Variants in TNRC6C observed in about 807,000 individuals in gnomAD.
The protein encoded by TNRC6C is trinucleotide repeat-containing gene 6C protein.
In TNRC6C, 20 loss-of-function variants were observed where a neutral mutation model predicts 153.7. That is an observed-to-expected ratio of 0.13 (90% confidence interval 0.09 to 0.19). The LOEUF is 0.19. Ranked by LOEUF, TNRC6C falls within the 10% of genes least tolerant of loss-of-function variation. The pLI is 1.00. For missense variants in TNRC6C, 1,987 were observed against 2,172.0 expected, an observed-to-expected ratio of 0.91 and a Z score of 1.69; for synonymous variants, 811 against 841.4, an observed-to-expected ratio of 0.96 and a Z score of 0.63.
At chr17:78,093,505 T>G in intron 15 of TNRC6C, 115 bp from the exon 18 acceptor site, 2 of 1,312,730 alleles carry the variant, frequency 1.5e-6, no homozygotes, top group Non-Finnish European at 2.1e-6. Flanking sequence ...GTACCTCTAA[T>G]TTAATTAGCA....
chr17:77,996,947 T>C (rs2071337630), intron 1 of TNRC6C, among the ~76,000 whole-genome samples: 1 of 152,114 alleles, frequency 6.6e-6, no homozygotes, highest in Non-Finnish European at 1.5e-5. Context: ...AGACAGTTCA[T>C]CAACCTTATT....
intron 1 of TNRC6C, among the ~76,000 whole-genome samples, chr17:78,019,975 C>G (rs1368818280): frequency 6.6e-6 from 1 of 152,222 alleles, no homozygotes; most frequent in Non-Finnish European, 1.5e-5. Flanking sequence ...TTTAATTTAT[C>G]TGTGTTACAA....
upstream of TNRC6C, chr17:78,004,331 T>C (rs2071459868): frequency 8.1e-7 from 1 of 1,231,260 alleles, no homozygotes; most frequent in Non-Finnish European, 1.0e-6. Flanking sequence ...TGCATCATCA[T>C]AGCCATTATA....
chr17:78,070,879 CA>C (rs2072980903), intron 5 of TNRC6C, among the ~76,000 whole-genome samples: 1 of 152,022 alleles, frequency 6.6e-6, no homozygotes, highest in African/African-American at 2.4e-5. Context: ...ACATATATAC[CA>C]ACCTGCAAAT....
chr17:77,959,053 C>T (rs2070837415), upstream of TNRC6C, among the ~76,000 whole-genome samples: 1 of 144,484 alleles, frequency 6.9e-6, no homozygotes, highest in Non-Finnish European at 1.5e-5. Flanking sequence ...GGACCTGGAC[C>T]TGCCGGGACG....
rs1567967198 is a variant in TNRC6C, at chr17:78,098,325, A to G, written c.4307-18A>G. On this transcript the variant is annotated intron_variant, in intron 16 of 19. Transcript: ENST00000301624. ...TTTGTCTCAAGACTGCATATGCTCC[A>G]TCTCTCTGCCTTTCTAGGTAAACTG... 6.3e-7 allele frequency: 1 copy of G among 1,595,950 alleles called. No homozygotes were observed. Among genetic ancestry groups the G allele is most frequent in the East Asian group, 2.2e-5 (1 of 44,520 alleles).
At chr17:77,994,316 A>G (rs1197346337) in intron 1 of TNRC6C, among the ~76,000 whole-genome samples, 1 of 152,236 alleles carries the variant, frequency 6.6e-6, no homozygotes, top group South Asian at 2.1e-4. Context: ...ATGTTTCTGG[A>G]TCAAGGGACT....
At chr17:78,036,447 C>T (rs933280409) in intron 2 of TNRC6C, among the ~76,000 whole-genome samples, 1 of 152,104 alleles carries the variant, frequency 6.6e-6, no homozygotes, top group Non-Finnish European at 1.5e-5. Flanking sequence ...TAATGGAAAA[C>T]TTACGTGTCC....
chr17:78,030,024 G>A (rs1451802670), intron 1 of TNRC6C, among the ~76,000 whole-genome samples: 1 of 151,974 alleles, frequency 6.6e-6, no homozygotes, highest in Non-Finnish European at 1.5e-5. Flanking sequence ...TTTTTTTTAT[G>A]TAGAAGCAAT....
At chr17:78,090,455 C>T (rs1035097193) in intron 13 of TNRC6C, among the ~76,000 whole-genome samples, 4 of 152,028 alleles carry the variant, frequency 2.6e-5, no homozygotes, top group Admixed American at 1.3e-4. Flanking sequence ...TACCGTGTGG[C>T]GTAGTACTTA....
intron 3 of TNRC6C, among the ~76,000 whole-genome samples, chr17:78,052,953 A>G (rs1283374509): frequency 6.6e-6 from 1 of 152,132 alleles, no homozygotes; most frequent in African/African-American, 2.4e-5. Flanking sequence ...TTTTAATGCA[A>G]ATGTTTTATA....
intron 4 of TNRC6C, 122 bp from the exon 7 acceptor site, chr17:78,067,635 G>A: frequency 1.0e-6 from 1 of 992,460 alleles, no homozygotes; most frequent in Non-Finnish European, 1.4e-6. Flanking sequence ...AGAAATGAAG[G>A]CATAAAAAGG....
chr17:77,961,132 C>G (rs551168877), intron 1 of TNRC6C, among the ~76,000 whole-genome samples: 59 of 151,702 alleles, frequency 3.9e-4, no homozygotes, highest in African/African-American at 1.4e-3. Flanking sequence ...AAAACAAAGA[C>G]CTTGCTGACC....
chr17:78,105,113 ATT>A (rs57885030), exon 20 of TNRC6C: 2,000 of 291,096 alleles, frequency 6.9e-3, no homozygotes, highest in East Asian at 9.7e-3. Flanking sequence ...TGTCATTTTG[ATT>A]TTTTTTTTTT....
chr17:77,974,926 C>T (rs1335472638), intron 1 of TNRC6C, among the ~76,000 whole-genome samples: 2 of 151,984 alleles, frequency 1.3e-5, no homozygotes, highest in Admixed American at 1.3e-4. Flanking sequence ...TGCCTTTTGC[C>T]ATAGGTAAAT....
intron 3 of TNRC6C, among the ~76,000 whole-genome samples, chr17:78,055,121 A>C (rs1372041611): frequency 6.6e-6 from 1 of 152,250 alleles, no homozygotes; most frequent in Non-Finnish European, 1.5e-5. Flanking sequence ...CATTTATTAA[A>C]AGATTAAAAG....
At chr17:78,042,664 G>A (rs1373895739) in intron 2 of TNRC6C, among the ~76,000 whole-genome samples, 1 of 151,880 alleles carries the variant, frequency 6.6e-6, no homozygotes. Flanking sequence ...TGGTGATGGT[G>A]GTGATGATGA....
chr17:78,007,177 T>C (rs1270247540), intron 1 of TNRC6C, among the ~76,000 whole-genome samples: 1 of 152,158 alleles, frequency 6.6e-6, no homozygotes. Flanking sequence ...AACTCCAAAC[T>C]CTACTGGATT....
intron 1 of TNRC6C, among the ~76,000 whole-genome samples, chr17:77,961,758 A>G (rs2070864780): frequency 1.3e-5 from 2 of 152,230 alleles, no homozygotes; most frequent in Non-Finnish European, 2.9e-5. Flanking sequence ...GTGAAGGTAG[A>G]GTGGAATGAA....
Sources: allele counts gnomAD v4.1 joint callset (sites outside exome capture counted in the v4.1 genomes callset), GRCh38; gene constraint gnomAD v4.1.1; transcripts MANE v1.5; gene names NCBI Gene and HGNC (gene_info 2026-07-23, HGNC 2026-07-21).